The following SMIM22 variants were observed in gnomAD, a reference collection of about 807,000 sequenced individuals.
SMIM22 encodes the protein small integral membrane protein 22, also known as cancer associated small integral membrane open reading frame 1.
Under a neutral mutation model 8.4 loss-of-function variants are expected in SMIM22, and 16 were observed. The ratio of observed to expected loss-of-function variants is 1.90; its 90% CI spans 1.29 to 2.89. The LOEUF (loss-of-function observed/expected upper bound fraction) is 2.89. Ranked by LOEUF, SMIM22 falls within the 30% of genes most tolerant of loss-of-function variation. The pLI, the probability that SMIM22 is intolerant of heterozygous loss-of-function variation, is 0.00. For missense variants in SMIM22, 159 were observed against 107.5 expected, an observed-to-expected ratio of 1.48 and a Z score of -2.12; for synonymous variants, 67 against 47.6, an observed-to-expected ratio of 1.41 and a Z score of -1.68.
chr16:4,793,320 AC>A (rs2082581451), upstream of SMIM22, among the ~76,000 whole-genome samples: 1 of 152,158 alleles, frequency 6.6e-6, no homozygotes, highest in Non-Finnish European at 1.5e-5. Flanking sequence ...GACCTTCAGA[AC>A]CATAGGGCAA....
chr16:4,792,124 G>C (rs370775044), upstream of SMIM22, among the ~76,000 whole-genome samples: 1 of 152,200 alleles, frequency 6.6e-6, no homozygotes, highest in Non-Finnish European at 1.5e-5. Flanking sequence ...GGGAGAGGAG[G>C]GGACAGTGGG....
At position 4,796,415 on chromosome 16, in the gene SMIM22, C is replaced by A; in HGVS notation, c.*184C>A. 1.4e-6 allele frequency: 1 copy of A among 695,474 alleles called. No individual in the cohort carries two copies. The highest frequency in any genetic ancestry group is 2.4e-6 in the Non-Finnish European group (1 of 423,154). The allele number at this position is 695,474 out of a possible 1,614,324, so 43.1% of individuals were successfully genotyped here. ...TGCCAGGTCATCCTCAGTCACCTAG[C>A]TGGGAGGGGAGCTGGTCTCAGGCCG... On this transcript the variant is annotated 3_prime_UTR_variant, in exon 4 of 4. Coordinates refer to ENST00000586005, the MANE Select transcript of SMIM22 (RefSeq NM_001253794.2).
At position 4,796,019 on chromosome 16, in the gene SMIM22, G is replaced by C; in HGVS notation, c.196G>C (p.Glu66Gln). ...CTGCAGCTCCCCCGGGCCCCGCAGG[G>C]AAAGCCCCAGGAAGGTGAGCCCCTG... ...CCCSSPGPRR[E>Q]SPRKVSPWKE... Residue 66 changes from glutamate (E) to glutamine (Q), a missense_variant, in exon 3 of 4, where the codon GAA becomes CAA. Transcript: ENST00000586005. 2 of 1,520,746 alleles carry C rather than the reference G, an allele frequency of 1.3e-6. 1 individual carries two copies. Among genetic ancestry groups the C allele is most frequent in the East Asian group, 4.9e-5 (2 of 40,748 alleles). The allele number at this position is 1,520,746 out of a possible 1,614,324, so 94.2% of individuals were successfully genotyped here. A position where few individuals can be genotyped will look rare whatever the true frequency, so the allele number is the denominator to read the frequency against.
At chr16:4,793,320 A>G, upstream of SMIM22, among the ~76,000 whole-genome samples, 1 of 152,158 alleles carries the variant, frequency 6.6e-6, no homozygotes, top group East Asian at 1.9e-4. Flanking sequence ...GACCTTCAGA[A>G]CCATAGGGCA....
chr16:4,792,230 G>A (rs909998866), upstream of SMIM22, among the ~76,000 whole-genome samples: 4 of 150,380 alleles, frequency 2.7e-5, no homozygotes, highest in Non-Finnish European at 4.4e-5. Flanking sequence ...TCGCTCTGTC[G>A]CCCAGGCTGG....
Position 4,796,039 on chromosome 16 carries a change from C to T in SMIM22, c.216C>T (p.Ser72=), listed in dbSNP as rs898300976. ...GCAGGGAAAGCCCCAGGAAGGTGAG[C>T]CCCTGGAAGGTGAGCCCTGCCGGCC... ...GPRRESPRKV[S]PWKERPKGVD... Residue 72 remains serine (S), a synonymous_variant, in exon 3 of 4, where the codon AGC becomes AGT. Transcript: ENST00000586005. 40 of 1,528,692 alleles carry T rather than the reference C, an allele frequency of 2.6e-5. No individual in the cohort carries two copies. The highest frequency in any genetic ancestry group is 3.4e-5 in the Non-Finnish European group (39 of 1,142,362). 94.7% of individuals were successfully genotyped at this position (1,528,692 alleles called of 1,614,324 possible). A position where few individuals can be genotyped will look rare whatever the true frequency, so the allele number is the denominator to read the frequency against.
chr16:4,790,657 G>A (rs1043390476), upstream of SMIM22, among the ~76,000 whole-genome samples: 9 of 152,126 alleles, frequency 5.9e-5, no homozygotes, highest in African/African-American at 1.9e-4. Flanking sequence ...GCTTGGTGGC[G>A]GGCACCTGTA....
At chr16:4,790,216 G>A (rs929343945) in intron 2 of SMIM22, among the ~76,000 whole-genome samples, 7 of 152,030 alleles carry the variant, frequency 4.6e-5, no homozygotes, top group Admixed American at 3.3e-4. Flanking sequence ...TTCTGTAAAG[G>A]GCCAGATGGT....
At chr16:4,795,076 G>C (rs916949888), upstream of SMIM22, 4 of 152,728 alleles carry the variant, frequency 2.6e-5, no homozygotes, top group African/African-American at 7.2e-5. Context: ...GTGGGATGCA[G>C]GTAGGTTTTC....
upstream of SMIM22, among the ~76,000 whole-genome samples, chr16:4,792,943 C>G (rs1308251569): frequency 1.3e-5 from 2 of 151,510 alleles, no homozygotes; most frequent in African/African-American, 4.9e-5. Context: ...AACCCAGTCT[C>G]TACTAAAATA....
chr16:4,793,224 C>T (rs561870594), upstream of SMIM22, among the ~76,000 whole-genome samples: 8 of 152,074 alleles, frequency 5.3e-5, no homozygotes, highest in African/African-American at 1.7e-4. Flanking sequence ...ATGCCACCAC[C>T]CTCTAGAAGC....
upstream of SMIM22, among the ~76,000 whole-genome samples, chr16:4,792,543 T>G (rs1352038069): frequency 6.7e-6 from 1 of 148,976 alleles, no homozygotes; most frequent in Admixed American, 6.7e-5. Context: ...GGATCATGCC[T>G]GTAATCCCAG....
upstream of SMIM22, among the ~76,000 whole-genome samples, chr16:4,792,257 C>T (rs571853308): frequency 1.8e-3 from 280 of 151,674 alleles, no homozygotes; most frequent in Middle Eastern, 3.4e-3. Context: ...GTGGCGTGAT[C>T]TCGGCTCACT....
chr16:4,789,045 G>GC (rs1186022550), intron 2 of SMIM22, among the ~76,000 whole-genome samples: 12 of 152,182 alleles, frequency 7.9e-5, no homozygotes, highest in African/African-American at 2.7e-4. Context: ...TTTTGAGACA[G>GC]CCTCGCTCTG....
chr16:4,794,226 G>C (rs1183463660), upstream of SMIM22, among the ~76,000 whole-genome samples: 1 of 152,024 alleles, frequency 6.6e-6, no homozygotes, highest in Non-Finnish European at 1.5e-5. Flanking sequence ...TCCTGCCTCA[G>C]CCTCCTGAGT....
In SMIM22 at chr16:4,795,863, G is replaced by T; in HGVS notation, c.124+5G>T. On this transcript the variant is annotated splice_donor_5th_base_variant and intron_variant, in intron 2 of 3. Coordinates refer to ENST00000586005, the MANE Select transcript of SMIM22 (RefSeq NM_001253794.2). ...TTGTTTTCCTCACCTTCATGGGTAA[G>T]TGTGGCTGTGGCCTCTGGGTCCTCC... 6.5e-7 allele frequency: 1 copy of T among 1,535,798 alleles called. No individual in the cohort carries two copies. Among genetic ancestry groups the T allele is most frequent in the Non-Finnish European group, 8.7e-7 (1 of 1,146,686 alleles).
upstream of SMIM22, among the ~76,000 whole-genome samples, chr16:4,794,261 C>T (rs1351671621): frequency 1.3e-5 from 2 of 151,798 alleles, no homozygotes; most frequent in Non-Finnish European, 2.9e-5. Context: ...GCGCGTGCCA[C>T]CATGGCCGGC....
intron 1 of SMIM22, chr16:4,788,616 T>C (rs3747608): frequency 0.44 from 66,727 of 152,122 alleles, 14,762 homozygotes; most frequent in Admixed American, 0.51. Flanking sequence ...GCTAGCGGGA[T>C]ATCCGTGTCC....
chr16:4,792,247 G>A (rs1391379175), upstream of SMIM22, among the ~76,000 whole-genome samples: 1 of 151,412 alleles, frequency 6.6e-6, no homozygotes, highest in Non-Finnish European at 1.5e-5. Flanking sequence ...CTGGAGTGCA[G>A]TGGCGTGATC....
Sources: allele counts gnomAD v4.1 joint callset (sites outside exome capture counted in the v4.1 genomes callset), GRCh38; gene constraint gnomAD v4.1.1; transcripts MANE v1.5; gene names NCBI Gene and HGNC (gene_info 2026-07-23, HGNC 2026-07-21).